The following OR1J2 variants were observed in gnomAD, a reference collection of about 807,000 sequenced individuals.
OR1J2 encodes olfactory receptor 1J2.
For missense variants in OR1J2, 304 were observed against 246.1 expected, an observed-to-expected ratio of 1.24 and a Z score of -1.57; for synonymous variants, 142 against 99.7, an observed-to-expected ratio of 1.42 and a Z score of -2.52.
chr9:122,465,900 T>G, the OR1J2 span, among the ~76,000 whole-genome samples: 1 of 152,200 alleles, frequency 6.6e-6, no homozygotes, highest in Non-Finnish European at 1.5e-5. Context: ...ACCTGTCCCT[T>G]GAAAGTTAAA....
the OR1J2 span, chr9:122,526,385 G>T: frequency 1.3e-6 from 2 of 1,506,588 alleles, no homozygotes; most frequent in African/African-American, 2.8e-5. Flanking sequence ...TCCTGTGACT[G>T]AAGAGCCTCT....
In OR1J2 at chr9:122,511,512, A is replaced by G; in HGVS notation, c.711A>G (p.Ala237=). 1.3e-6 allele frequency: 1 copy of G among 780,760 alleles called. No individual in the cohort carries two copies. The highest frequency in any genetic ancestry group is 1.7e-5 in the Admixed American group (1 of 58,994). 48.4% of individuals were successfully genotyped at this position (780,760 alleles called of 1,614,324 possible). A position where few individuals can be genotyped will look rare whatever the true frequency, so the allele number is the denominator to read the frequency against. Residue 237 remains alanine, a synonymous_variant, in exon 1 of 1, where the codon GCA becomes GCG. Transcript: ENST00000335302. The part of the protein sequence containing the change: ...RVPSTKGIHK[A]LSTCGSHLSV... ...CTTCAACCAAAGGGATCCACAAAGC[A>G]TTGTCCACATGTGGCTCCCATCTCT...
chr9:122,539,290 G>A, the OR1J2 span, among the ~76,000 whole-genome samples: 4 of 151,892 alleles, frequency 2.6e-5, no homozygotes, highest in Admixed American at 6.6e-5. Context: ...ACATGCCCTG[G>A]TGTGTGATGT....
At chr9:122,550,325 A>AAAG in the OR1J2 span, among the ~76,000 whole-genome samples, 45,599 of 151,800 alleles carry the variant, frequency 0.3, 7,345 homozygotes, top group East Asian at 0.54. Context: ...CCAAACATAC[A>AAAG]AAGAACTGGT....
chr9:122,482,735 C>T, the OR1J2 span, among the ~76,000 whole-genome samples: 4 of 152,098 alleles, frequency 2.6e-5, no homozygotes, highest in South Asian at 8.3e-4. Context: ...GAGGACATTA[C>T]GTTAAGTGAA....
chr9:122,537,836 C>T, the OR1J2 span, among the ~76,000 whole-genome samples: 1 of 152,262 alleles, frequency 6.6e-6, no homozygotes, highest in Middle Eastern at 3.4e-3. Flanking sequence ...AAGAGAACAG[C>T]TCTCTGCAGC....
At chr9:122,574,519 TG>T in the OR1J2 span, among the ~76,000 whole-genome samples, 1 of 152,148 alleles carries the variant, frequency 6.6e-6, no homozygotes, top group Non-Finnish European at 1.5e-5. Flanking sequence ...AAGAGAACAA[TG>T]GCTTTTGTAT....
At chr9:122,543,813 G>A in the OR1J2 span, among the ~76,000 whole-genome samples, 5 of 152,162 alleles carry the variant, frequency 3.3e-5, no homozygotes, top group Non-Finnish European at 2.9e-5. Flanking sequence ...CCTCTTAGCC[G>A]TCGAGGAGAC....
chr9:122,561,871 G>C, the OR1J2 span, among the ~76,000 whole-genome samples: 3 of 152,192 alleles, frequency 2.0e-5, no homozygotes, highest in African/African-American at 7.2e-5. Flanking sequence ...CTTGGTGGAG[G>C]GGGTATGCTG....
the OR1J2 span, chr9:122,526,595 G>C: frequency 6.2e-7 from 1 of 1,614,116 alleles, no homozygotes; most frequent in Non-Finnish European, 8.5e-7. Flanking sequence ...AAAAGGCCTT[G>C]CCCACCCCAC....
chr9:122,530,688 G>A, the OR1J2 span, among the ~76,000 whole-genome samples: 1 of 152,168 alleles, frequency 6.6e-6, no homozygotes, highest in South Asian at 2.1e-4. Flanking sequence ...GTGCAGGCGG[G>A]CTGAGTCCGA....
At chr9:122,496,418 C>T in the OR1J2 span, among the ~76,000 whole-genome samples, 1 of 152,164 alleles carries the variant, frequency 6.6e-6, no homozygotes, top group East Asian at 1.9e-4. Flanking sequence ...CTGTGGGAGT[C>T]GCAGGTGGTT....
chr9:122,525,029 A>G, the OR1J2 span, among the ~76,000 whole-genome samples: 11 of 152,200 alleles, frequency 7.2e-5, no homozygotes, highest in Non-Finnish European at 1.3e-4. Context: ...TGTCAACAGA[A>G]TGGAAGGAGA....
the OR1J2 span, among the ~76,000 whole-genome samples, chr9:122,503,990 G>A: frequency 1.3e-5 from 2 of 152,262 alleles, no homozygotes; most frequent in East Asian, 3.9e-4. Flanking sequence ...TTAGTTGTAT[G>A]GAAATCCTCA....
At chr9:122,528,827 A>T in the OR1J2 span, among the ~76,000 whole-genome samples, 2 of 152,232 alleles carry the variant, frequency 1.3e-5, no homozygotes, top group Non-Finnish European at 2.9e-5. Flanking sequence ...AAAAGTTTAC[A>T]CTATGTCTTG....
At chr9:122,498,912 G>T in the OR1J2 span, among the ~76,000 whole-genome samples, 1 of 152,162 alleles carries the variant, frequency 6.6e-6, no homozygotes, top group African/African-American at 2.4e-5. Flanking sequence ...CATTGCTTCT[G>T]TAGCTCCATG....
chr9:122,471,510 A>G, the OR1J2 span: 1 of 152,190 alleles, frequency 6.6e-6, no homozygotes, highest in Admixed American at 6.5e-5. Flanking sequence ...GGAGTTGTTC[A>G]TAATTTTGGT....
chr9:122,575,537 G>C, the OR1J2 span, among the ~76,000 whole-genome samples: 1 of 152,062 alleles, frequency 6.6e-6, no homozygotes, highest in Non-Finnish European at 1.5e-5. Context: ...GAGATCTGTA[G>C]TGATGTTCCC....
At chr9:122,517,634 A>G in the OR1J2 span, among the ~76,000 whole-genome samples, 7 of 152,172 alleles carry the variant, frequency 4.6e-5, no homozygotes, top group Admixed American at 3.9e-4. Flanking sequence ...GAACTTTTCA[A>G]TTAAGACACA....
Sources: gnomAD v4.1 joint callset for allele counts (sites outside exome capture counted in the v4.1 genomes callset) on GRCh38, gnomAD v4.1.1 for gene constraint, MANE v1.5 for transcripts, NCBI Gene and HGNC (gene_info 2026-07-23, HGNC 2026-07-21) for gene names.